DEFB104A: variants seen among roughly 807,000 people sequenced by gnomAD.
DEFB104A encodes beta-defensin 104.
intron 1 of DEFB104A, among the ~76,000 whole-genome samples, chr8:7,838,855 A>G (rs1370410466): frequency 2.8e-5 from 4 of 141,268 alleles, no homozygotes; most frequent in Non-Finnish European, 6.4e-5. Flanking sequence ...CAACCTTGAC[A>G]AAATAAACTT....
chr8:7,839,692 G>A (rs1328273964), intron 1 of DEFB104A, among the ~76,000 whole-genome samples: 3 of 115,226 alleles, frequency 2.6e-5, no homozygotes, highest in Non-Finnish European at 3.8e-5. Context: ...GCCCGTTTCT[G>A]CTTTGTAGAA....
At chr8:7,836,981 C>T (rs1349252764) in intron 1 of DEFB104A, among the ~76,000 whole-genome samples, 3 of 142,722 alleles carry the variant, frequency 2.1e-5, no homozygotes, top group Non-Finnish European at 4.6e-5. Flanking sequence ...AGGGCGCCTA[C>T]TCATCCTCCT....
At chr8:7,837,312 G>C (rs1172292487) in intron 1 of DEFB104A, among the ~76,000 whole-genome samples, 2 of 137,274 alleles carry the variant, frequency 1.5e-5, no homozygotes, top group African/African-American at 2.7e-5. Flanking sequence ...AAGTCTAGCA[G>C]TGCTGGGACG....
At chr8:7,837,324 A>C (rs1456836992) in intron 1 of DEFB104A, among the ~76,000 whole-genome samples, 1 of 137,876 alleles carries the variant, frequency 7.3e-6, no homozygotes, top group Non-Finnish European at 1.6e-5. Context: ...GCTGGGACGA[A>C]ACCAATTGTT....
intron 1 of DEFB104A, among the ~76,000 whole-genome samples, chr8:7,838,635 G>C (rs76117047): frequency 1.4e-5 from 2 of 145,820 alleles, no homozygotes. Context: ...AGCTGAGATC[G>C]TGCCATTGCA....
intron 1 of DEFB104A, among the ~76,000 whole-genome samples, chr8:7,839,460 A>T (rs1365923478): frequency 2.2e-5 from 3 of 138,890 alleles, no homozygotes; most frequent in African/African-American, 2.5e-5. Flanking sequence ...CTTGCTTTTG[A>T]ATGAAGCCTA....
chr8:7,838,634 C>T (rs879430184), intron 1 of DEFB104A, among the ~76,000 whole-genome samples: 3,875 of 144,978 alleles, frequency 0.027, 19 homozygotes, highest in Non-Finnish European at 0.043. Context: ...GAGCTGAGAT[C>T]GTGCCATTGC....
intron 1 of DEFB104A, among the ~76,000 whole-genome samples, chr8:7,836,995 T>C (rs1382461245): frequency 1.4e-5 from 2 of 142,586 alleles, no homozygotes; most frequent in African/African-American, 5.2e-5. Flanking sequence ...TCCTCCTAAA[T>C]TTTGCAACTT....
chr8:7,837,433 G>T, intron 1 of DEFB104A, among the ~76,000 whole-genome samples: 1 of 142,900 alleles, frequency 7.0e-6, no homozygotes, highest in Non-Finnish European at 1.5e-5. Flanking sequence ...GCCCTTCCGG[G>T]CTGTGCCTCC....
Position 7,838,658 on chromosome 8 carries a change from C to T in DEFB104A, c.58+2116C>T, listed in dbSNP as rs182885800. Among the ~76,000 whole-genome samples, 272 of 143,454 alleles carry T rather than the reference C, an allele frequency of 1.9e-3. 1 individual carries two copies. Among genetic ancestry groups the T allele is most frequent in the African/African-American group, 6.6e-3 (255 of 38,700 alleles). The allele number at this position is 143,454 out of a possible 152,430, so 94.1% of individuals were successfully genotyped here. A position where few individuals can be genotyped will look rare whatever the true frequency, so the allele number is the denominator to read the frequency against. ...TCGTGCCATTGCACTCTACCCTAGG[C>T]GACAGAGCAAGACTCTGTCTCAAAA... On this transcript the variant is annotated intron_variant, in intron 1 of 1. Transcript: ENST00000314265.
chr8:7,838,085 G>A (rs954263768), intron 1 of DEFB104A, among the ~76,000 whole-genome samples: 5 of 88,272 alleles, frequency 5.7e-5, no homozygotes, highest in South Asian at 8.8e-4. Context: ...TTTCCATCAT[G>A]AACATCAACA....
chr8:7,838,587 G>A (rs1322203974), intron 1 of DEFB104A, among the ~76,000 whole-genome samples: 3 of 145,888 alleles, frequency 2.1e-5, no homozygotes, highest in African/African-American at 5.0e-5. Flanking sequence ...GGCGGAGGCA[G>A]GAGAATCGCT....
chr8:7,839,563 G>T (rs200986709), intron 1 of DEFB104A, among the ~76,000 whole-genome samples: 7,194 of 42,126 alleles, frequency 0.17, 29 homozygotes, highest in Non-Finnish European at 0.39. Flanking sequence ...TGGTCAAACT[G>T]CCTTTTAGTC....
rs555646692 is a variant in DEFB104A, at chr8:7,839,109, C to T, written c.59-1925C>T. 5.5e-5 allele frequency among the ~76,000 whole-genome samples: 8 copies of T among 144,624 alleles called. No homozygotes were observed. In the South Asian group the frequency reaches 1.7e-3, roughly 31 times the overall value. The allele number at this position is 144,624 out of a possible 152,430, so 94.9% of individuals were successfully genotyped here. On this transcript the variant is annotated intron_variant, in intron 1 of 1. Coordinates refer to ENST00000314265, the MANE Select transcript of DEFB104A (RefSeq NM_080389.3). Reference sequence around the variant, plus strand: ...TCTTCCAGCTTTGACACATAAGTTGCTGTGTGACGTCAGATTAGTCACTTT... The same window carrying T: ...TCTTCCAGCTTTGACACATAAGTTGTTGTGTGACGTCAGATTAGTCACTTT...
intron 1 of DEFB104A, among the ~76,000 whole-genome samples, chr8:7,839,539 T>C (rs113343310): frequency 0.07 from 3,412 of 48,976 alleles, 225 homozygotes; most frequent in African/African-American, 0.12. Context: ...CAATATCCTA[T>C]CCAGCACATG....
chr8:7,836,987 C>T (rs1314358176), intron 1 of DEFB104A, among the ~76,000 whole-genome samples: 5 of 142,656 alleles, frequency 3.5e-5, no homozygotes, highest in African/African-American at 1.3e-4. Flanking sequence ...CCTACTCATC[C>T]TCCTAAATTT....
At chr8:7,838,751 C>G in intron 1 of DEFB104A, among the ~76,000 whole-genome samples, 1 of 141,514 alleles carries the variant, frequency 7.1e-6, no homozygotes, top group Non-Finnish European at 1.6e-5. Context: ...TGTATTATGT[C>G]TCCCTAAAAT....
rs1430240337 is a variant in DEFB104A, at chr8:7,836,772, G to A, written c.58+230G>A. Among the ~76,000 whole-genome samples, 83 of 145,076 alleles carry A rather than the reference G, an allele frequency of 5.7e-4. 6 individuals are homozygous for A. Among genetic ancestry groups the A allele is most frequent in the African/African-American group, 1.5e-3 (57 of 38,356 alleles). Reference sequence around the variant, plus strand: ...CTAGCTCAAGGAGGAAAAAAGAAACGTAGGGATCAGGAGTCCTAGATGTCC... The same window carrying A: ...CTAGCTCAAGGAGGAAAAAAGAAACATAGGGATCAGGAGTCCTAGATGTCC... On this transcript the variant is annotated intron_variant, in intron 1 of 1. Transcript: ENST00000314265.
At position 7,839,070 on chromosome 8, in the gene DEFB104A, A is replaced by G. The variant is rs1230329285; in HGVS notation, c.59-1964A>G. 1.2e-4 allele frequency among the ~76,000 whole-genome samples: 17 copies of G among 143,152 alleles called. 2 individuals carry two copies. Among genetic ancestry groups the G allele is most frequent in the Admixed American group, 7.1e-5 (1 of 14,110 alleles). 93.9% of individuals were successfully genotyped at this position (143,152 alleles called of 152,430 possible). On this transcript the variant is annotated intron_variant, in intron 1 of 1. Transcript: ENST00000314265. ...TCTGTTTACTGAGACTGTAAGACATACCAACTAGGTTTTTCTTCCAGCTTT... is the reference window on the plus strand; with the variant it reads ...TCTGTTTACTGAGACTGTAAGACATGCCAACTAGGTTTTTCTTCCAGCTTT...
Sources: gnomAD v4.1 joint callset for allele counts (sites outside exome capture counted in the v4.1 genomes callset) on GRCh38, gnomAD v4.1.1 for gene constraint, MANE v1.5 for transcripts, NCBI Gene and HGNC (gene_info 2026-07-23, HGNC 2026-07-21) for gene names.